The following UGT1A10 variants were observed in gnomAD, a reference collection of about 807,000 sequenced individuals.
UGT1A10 encodes UDP glucuronosyltransferase family 1 member A10.
In UGT1A10, 49 loss-of-function variants were observed where a neutral mutation model predicts 45.8. That is an observed-to-expected ratio of 1.07 (90% CI 0.85 to 1.36). The LOEUF (loss-of-function observed/expected upper bound fraction) is 1.36, where lower values mean the gene tolerates loss of function less well. Ranked by LOEUF, UGT1A10 falls within the 40% of genes most tolerant of loss-of-function variation. The pLI is 0.00. For missense variants in UGT1A10, 745 were observed against 668.6 expected (o/e 1.11, Z -1.26); for synonymous variants, 284 against 249.7 (o/e 1.14, Z -1.29).
At chr2:233,656,480 C>A (rs879655856) in intron 1 of UGT1A10, among the ~76,000 whole-genome samples, 3 of 152,168 alleles carry the variant, frequency 2.0e-5, no homozygotes, top group Non-Finnish European at 4.4e-5. Flanking sequence ...TTTCTCTAGA[C>A]CTGTGCTTAT....
At chr2:233,672,694 C>A (rs772500318) in intron 1 of UGT1A10, 6 of 1,613,794 alleles carry the variant, frequency 3.7e-6, no homozygotes, top group South Asian at 1.1e-5. Context: ...TTGGTTGTTG[C>A]GAACGGACTT....
At chr2:233,763,150 C>G (rs1298092077) in intron 1 of UGT1A10, among the ~76,000 whole-genome samples, 1 of 152,214 alleles carries the variant, frequency 6.6e-6, no homozygotes, top group Non-Finnish European at 1.5e-5. Context: ...CCATAAAAGT[C>G]TAAGTGGTGA....
intron 1 of UGT1A10, among the ~76,000 whole-genome samples, chr2:233,759,541 C>T (rs1020987350): frequency 6.6e-6 from 1 of 152,092 alleles, no homozygotes; most frequent in Admixed American, 6.6e-5. Context: ...TGTTCACATG[C>T]GCTCCAGTGA....
chr2:233,700,178 C>T (rs1315960228), intron 1 of UGT1A10, among the ~76,000 whole-genome samples: 1 of 152,190 alleles, frequency 6.6e-6, no homozygotes, highest in South Asian at 2.1e-4. Context: ...CTCATTCAGG[C>T]TGAAATCTCA....
chr2:233,737,268 C>T (rs1008079233), intron 1 of UGT1A10, among the ~76,000 whole-genome samples: 4 of 152,268 alleles, frequency 2.6e-5, no homozygotes, highest in African/African-American at 9.6e-5. Context: ...CAATGGCGGA[C>T]ACCCCTCACC....
chr2:233,772,211 T>C, intron 4 of UGT1A10, 51 bp from the exon 5 acceptor site: 2 of 1,610,790 alleles, frequency 1.2e-6, no homozygotes, highest in Non-Finnish European at 1.7e-6. Flanking sequence ...AAAGAGAGGA[T>C]TGTTCATACC....
chr2:233,762,111 A>T (rs899038640), intron 1 of UGT1A10, among the ~76,000 whole-genome samples: 1 of 152,200 alleles, frequency 6.6e-6, no homozygotes, highest in South Asian at 2.1e-4. Flanking sequence ...TGTCCGCTTC[A>T]CATCATGAGC....
At chr2:233,661,642 T>TCTTTCTTTCTTTCTTTCTTC (rs2073969336) in intron 1 of UGT1A10, among the ~76,000 whole-genome samples, 1 of 143,632 alleles carries the variant, frequency 7.0e-6, no homozygotes, top group Non-Finnish European at 1.5e-5. Flanking sequence ...TTTCTTTCTT[T>TCTTTCTTTCTTTCTTTCTTC]CTTTCTTTCT....
intron 1 of UGT1A10, among the ~76,000 whole-genome samples, chr2:233,645,837 C>T (rs2073587245): frequency 6.6e-6 from 1 of 152,172 alleles, no homozygotes; most frequent in Non-Finnish European, 1.5e-5. Flanking sequence ...GGTGGACCTA[C>T]CATTCTGAGG....
chr2:233,688,290 AT>A (rs1275876598), intron 1 of UGT1A10, among the ~76,000 whole-genome samples: 2 of 151,938 alleles, frequency 1.3e-5, no homozygotes, highest in East Asian at 1.9e-4. Context: ...GATTTACCGC[AT>A]TTTTTTTATC....
chr2:233,652,513 A>G (rs1243625429), intron 1 of UGT1A10, among the ~76,000 whole-genome samples: 1 of 152,236 alleles, frequency 6.6e-6, no homozygotes, highest in Non-Finnish European at 1.5e-5. Context: ...AAAATTTGTT[A>G]CATAGCCACA....
chr2:233,640,590 A>G (rs186431624), intron 1 of UGT1A10, among the ~76,000 whole-genome samples: 24 of 152,274 alleles, frequency 1.6e-4, no homozygotes, highest in Admixed American at 1.5e-3. Context: ...TCAATTGAGT[A>G]AGTTCCAAAT....
chr2:233,754,887 T>G (rs1212362818), intron 1 of UGT1A10: 2 of 1,351,202 alleles, frequency 1.5e-6, no homozygotes, highest in Non-Finnish European at 2.0e-6. Flanking sequence ...TCCCAGGGAG[T>G]TCCTCTGACC....
At chr2:233,670,222 G>C (rs2074154403) in intron 1 of UGT1A10, among the ~76,000 whole-genome samples, 1 of 152,198 alleles carries the variant, frequency 6.6e-6, no homozygotes, top group African/African-American at 2.4e-5. Flanking sequence ...TCTTCCTCTT[G>C]ATTGTCCTCC....
At position 233,772,492 on chromosome 2, in the gene UGT1A10, A is replaced by G; in HGVS notation, c.1526A>G (p.Tyr509Cys). Reference sequence around the variant, plus strand: ...TTCATCACCTTTAAATGTTGTGCTTATGGCTACCGGAAATGCTTGGGGAAA... The same window carrying G: ...TTCATCACCTTTAAATGTTGTGCTTGTGGCTACCGGAAATGCTTGGGGAAA... ...VAFITFKCCA[Y>C]GYRKCLGKKG... Residue 509 changes from tyrosine (Y) to cysteine (C), a missense_variant, in exon 5 of 5, where the codon TAT (tyrosine) becomes TGT (cysteine). Coordinates refer to ENST00000344644, the MANE Select transcript of UGT1A10 (RefSeq NM_019075.4). 6.2e-7 allele frequency: 1 copy of G among 1,614,134 alleles called. No individual in the cohort carries two copies. The highest frequency in any genetic ancestry group is 1.1e-5 in the South Asian group (1 of 91,080).
At chr2:233,717,451 T>C (rs1244065037) in intron 1 of UGT1A10, among the ~76,000 whole-genome samples, 1 of 152,228 alleles carries the variant, frequency 6.6e-6, no homozygotes, top group Non-Finnish European at 1.5e-5. Flanking sequence ...ATCCATTCAC[T>C]GCCTGTCCCA....
At chr2:233,761,231 T>A in intron 1 of UGT1A10, 1 of 1,613,202 alleles carries the variant, frequency 6.2e-7, no homozygotes. Flanking sequence ...GCCCCAGATA[T>A]ATGCTGAGCA....
At chr2:233,696,988 G>A (rs914918936) in intron 1 of UGT1A10, among the ~76,000 whole-genome samples, 8 of 151,918 alleles carry the variant, frequency 5.3e-5, no homozygotes, top group African/African-American at 7.2e-5. Context: ...CTGGTGTTTC[G>A]TTGAGATTTT....
chr2:233,691,465 C>A (rs2075044016), intron 1 of UGT1A10: 1 of 985,664 alleles, frequency 1.0e-6, no homozygotes, highest in Non-Finnish European at 1.2e-6. Context: ...CCCCAGAACA[C>A]CTCCGGTGCC....
Sources: gnomAD v4.1 joint callset for allele counts (sites outside exome capture counted in the v4.1 genomes callset) on GRCh38, gnomAD v4.1.1 for gene constraint, MANE v1.5 for transcripts, NCBI Gene and HGNC (gene_info 2026-07-23, HGNC 2026-07-21) for gene names.